SETD1B: variants seen among roughly 807,000 people sequenced by gnomAD.
SETD1B encodes the protein SET domain containing 1B, histone lysine methyltransferase.
SETD1B carries 7 observed loss-of-function variants against 148.0 expected under a neutral mutation model. The ratio of observed to expected loss-of-function variants is 0.05; its 90% CI spans 0.03 to 0.09. The LOEUF is 0.09. Ranked by LOEUF, SETD1B falls within the 10% of genes least tolerant of loss-of-function variation. SETD1B has a pLI of 1.00. For synonymous variants in SETD1B, 1,361 were observed against 1,186.5 expected (o/e 1.15, Z -3.02); for missense variants, 2,155 against 2,729.9 (o/e 0.79, Z 4.69).
Position 121,808,099 on chromosome 12 carries a change from G to T in SETD1B, c.545-109G>T. ...GGGCCACACAGCCTCCCTAGGACTG[G>T]GGTCTCGGGCACAAGGGACCCACCA... On this transcript the variant is annotated intron_variant, in intron 4 of 16. Coordinates refer to ENST00000604567, the MANE Select transcript of SETD1B (RefSeq NM_001353345.2). This position sits in a 1 kb window ranked among gnomAD's most constrained non-coding sequence, Gnocchi z 5.3. The T allele has an allele frequency of 1.3e-6, 1 of 749,020 alleles. No individual in the cohort carries two copies. Among genetic ancestry groups the T allele is most frequent in the East Asian group, 2.8e-5 (1 of 36,112 alleles). 46.4% of individuals were successfully genotyped at this position (749,020 alleles called of 1,614,324 possible). A position where few individuals can be genotyped will look rare whatever the true frequency, so the allele number is the denominator to read the frequency against.
intron 6 of SETD1B, among the ~76,000 whole-genome samples, chr12:121,813,731 T>C (rs987086735): frequency 6.6e-6 from 1 of 152,080 alleles, no homozygotes; most frequent in South Asian, 2.1e-4. Context: ...CTGCCTTCTT[T>C]CTCTCCCTCA....
Position 121,804,992 on chromosome 12 carries a change from C to T in SETD1B, c.174+81C>T. On this transcript the variant is annotated intron_variant, in intron 2 of 16. Coordinates refer to ENST00000604567, the MANE Select transcript of SETD1B (RefSeq NM_001353345.2). The surrounding 1 kb of genome is among the most constrained non-coding windows in gnomAD (Gnocchi z 4.6). ...GCCTAGCGGCCAGGGACCCCCCGCC[C>T]GATCCCCCGGCCAACTGTCAGACGG... is the stretch of plus-strand genomic sequence containing the variant. 1 of 1,458,762 alleles carries T rather than the reference C, an allele frequency of 6.9e-7. No homozygotes were observed. Among genetic ancestry groups the T allele is most frequent in the South Asian group, 1.4e-5 (1 of 73,834 alleles). The allele number at this position is 1,458,762 out of a possible 1,614,324, so 90.4% of individuals were successfully genotyped here. A position where few individuals can be genotyped will look rare whatever the true frequency, so the allele number is the denominator to read the frequency against.
chr12:121,819,665 C>T lies in SETD1B; in HGVS notation c.3680C>T (p.Ser1227Leu), dbSNP rs377728199. Residue 1227 changes from serine to leucine, a missense_variant, in exon 11 of 17, where the codon TCG becomes TTG. Physicochemically the swap from Ser to Leu is moderately radical, Grantham distance 145. Coordinates refer to ENST00000604567, the MANE Select transcript of SETD1B (RefSeq NM_001353345.2). ...ALAPGAPAVDSLGMEEEVDIE... is the reference protein window; with the variant it reads ...ALAPGAPAVDLLGMEEEVDIE... ...GCCCCGGGGGCACCTGCAGTGGACT[C>T]GTTGGGCATGGAAGAGGAGGTGGAC... 2.8e-4 allele frequency: 437 copies of T among 1,551,362 alleles called. No homozygotes were observed. In the African/African-American group the frequency reaches 5.1e-3, roughly 18 times the overall value.
Position 121,822,988 on chromosome 12 carries a change from C to T in SETD1B, c.4409C>T (p.Thr1470Met), listed in dbSNP as rs1490141875. The change falls in exon 12 of 17, where the codon ACG becomes ATG. Residue 1470 changes from threonine (T) to methionine (M), a missense_variant. Thr to Met is a moderately conservative substitution (Grantham distance 81, BLOSUM62 -1). Transcript: ENST00000604567. ...CTGGCCTCCCCGGTGCTCCTGGAGA[C>T]GGGCCTGCCCCTCCCTCTGCCCCTT... ...GPLASPVLLETGLPLPLPLPL... is the reference protein window; with the variant it reads ...GPLASPVLLEMGLPLPLPLPL... 1.6e-5 allele frequency: 24 copies of T among 1,532,444 alleles called. No individual in the cohort carries two copies. Among genetic ancestry groups the T allele is most frequent in the Non-Finnish European group, 1.9e-5 (22 of 1,140,930 alleles). 94.9% of individuals were successfully genotyped at this position (1,532,444 alleles called of 1,614,324 possible).
upstream of SETD1B, chr12:121,803,712 G>A (rs753457959): frequency 8.9e-4 from 136 of 151,958 alleles, no homozygotes; most frequent in Non-Finnish European, 1.6e-3. This position sits in a 1 kb window ranked among gnomAD's most constrained non-coding sequence, Gnocchi z 4.7. Context: ...CGGCTCTGAG[G>A]GTAGTCCCGG....
At chr12:121,825,162 C>A (rs906343949) in intron 12 of SETD1B, 38 bp from the exon 13 acceptor site, 24 of 1,545,480 alleles carry the variant, frequency 1.6e-5, no homozygotes, top group Non-Finnish European at 2.0e-5. Context: ...CCAGAAGGGG[C>A]TCTCAGAATG....
intron 10 of SETD1B, among the ~76,000 whole-genome samples, chr12:121,818,678 C>G (rs2137569628): frequency 6.7e-6 from 1 of 149,672 alleles, no homozygotes; most frequent in Admixed American, 6.6e-5. Context: ...ATCACGAGGT[C>G]AACAGATCGA....
chr12:121,820,476 A>G (rs572233596), intron 11 of SETD1B, among the ~76,000 whole-genome samples: 1 of 152,236 alleles, frequency 6.6e-6, no homozygotes, highest in Admixed American at 6.5e-5. Context: ...ATAGTGTTCA[A>G]TTTATTTTGG....
chr12:121,793,952 C>G, the SETD1B span: 4 of 252,652 alleles, frequency 1.6e-5, no homozygotes, highest in East Asian at 2.4e-4. Context: ...CCGATCGTGG[C>G]TGCCCAGCGA....
rs1008396413 is a variant in SETD1B at position 121,819,408 on chromosome 12, G to C, written c.3423G>C (p.Glu1141Asp). The change falls in exon 11 of 17, where the codon GAG becomes GAC. Residue 1141 changes from glutamate (E) to aspartate (D), a missense_variant. By Grantham distance (45) the Glu-to-Asp change is conservative. Around this residue, in one of 11 missense-constraint regions of SETD1B, gnomAD observed 862 missense variants for 873.8 expected, o/e 0.99. Transcript: ENST00000604567. ...TCGTCTGTGTCCCCCATCCAGAGGA[G>C]ACAGTGAGCATTGTAACCTCCAAGG... Reference protein sequence around the residue: ...EKDEGDSDEEETVSIVTSKAE... With the variant: ...EKDEGDSDEEDTVSIVTSKAE... The C allele has an allele frequency of 6.4e-7, 1 of 1,551,894 alleles. No homozygotes were observed. Among genetic ancestry groups the C allele is most frequent in the Non-Finnish European group, 8.7e-7 (1 of 1,147,042 alleles).
At chr12:121,825,068 G>T (rs1592990627) in intron 12 of SETD1B, 132 bp from the exon 13 acceptor site, 2 of 892,848 alleles carry the variant, frequency 2.2e-6, no homozygotes, top group Non-Finnish European at 3.3e-6. Flanking sequence ...CCACGTGGAG[G>T]TGGCATGGGA....
intron 5 of SETD1B, among the ~76,000 whole-genome samples, chr12:121,809,266 A>G (rs1301366528): frequency 6.6e-6 from 1 of 152,218 alleles, no homozygotes; most frequent in East Asian, 1.9e-4. Flanking sequence ...GTTCTTGGTC[A>G]TAATCCTGCC....
intron 16 of SETD1B, among the ~76,000 whole-genome samples, chr12:121,829,285 G>A (rs763304965): frequency 2.6e-5 from 4 of 152,196 alleles, no homozygotes; most frequent in Non-Finnish European, 5.9e-5. Flanking sequence ...TGTAGCAGGC[G>A]GGTGAGCAGT....
chr12:121,812,782 A>ATG (rs1230580017), intron 6 of SETD1B, among the ~76,000 whole-genome samples: 1 of 151,740 alleles, frequency 6.6e-6, no homozygotes, highest in Non-Finnish European at 1.5e-5. Flanking sequence ...GTGTGTGTGT[A>ATG]TGTGTGCACA....
At chr12:121,818,822 G>A (rs1876423989) in intron 10 of SETD1B, among the ~76,000 whole-genome samples, 1 of 151,144 alleles carries the variant, frequency 6.6e-6, no homozygotes, top group Non-Finnish European at 1.5e-5. Flanking sequence ...CCCAGGAGGC[G>A]GAGCTTGCAG....
chr12:121,824,243 C>A (rs915877847), intron 12 of SETD1B, among the ~76,000 whole-genome samples: 1 of 152,206 alleles, frequency 6.6e-6, no homozygotes, highest in Non-Finnish European at 1.5e-5. Flanking sequence ...CCAGGCTCTT[C>A]ACCACCAGGC....
At position 121,829,930 on chromosome 12, in the gene SETD1B, C is replaced by T. The variant is rs1877013410; in HGVS notation, c.5728-136C>T. The T allele has an allele frequency of 4.2e-6, 3 of 710,838 alleles. No individual in the cohort carries two copies. The South Asian group carries it at 6.3e-5, about 15-fold the overall frequency. The allele number at this position is 710,838 out of a possible 1,614,324, so 44.0% of individuals were successfully genotyped here. Reference sequence around the variant, plus strand: ...CCCTGGGGGTCGGGGGAGCCAAGGTCCAGAGCAGAGCAGTGGGCTGGGGGT... The same window carrying T: ...CCCTGGGGGTCGGGGGAGCCAAGGTTCAGAGCAGAGCAGTGGGCTGGGGGT... On this transcript the variant is annotated intron_variant, in intron 16 of 16. Transcript: ENST00000604567.
intron 6 of SETD1B, among the ~76,000 whole-genome samples, chr12:121,811,866 T>C (rs1039306993): frequency 2.0e-5 from 3 of 151,894 alleles, no homozygotes; most frequent in African/African-American, 7.3e-5. Flanking sequence ...GGGGAAGTGG[T>C]TTCTGGCATC....
chr12:121,794,948 G>A, the SETD1B span, among the ~76,000 whole-genome samples: 1 of 152,218 alleles, frequency 6.6e-6, no homozygotes, highest in Non-Finnish European at 1.5e-5. Flanking sequence ...GCAGGACTCA[G>A]GATCTTTTTG....
Sources: allele counts gnomAD v4.1 joint callset (sites outside exome capture counted in the v4.1 genomes callset), GRCh38; gene constraint gnomAD v4.1.1; regional missense constraint gnomAD v4.1.1; non-coding constraint Gnocchi (gnomAD v3.1); transcripts MANE v1.5; gene names NCBI Gene and HGNC (gene_info 2026-07-23, HGNC 2026-07-21).